COP1: variants seen among roughly 807,000 people sequenced by gnomAD.
COP1 encodes the protein E3 ubiquitin-protein ligase COP1.
In COP1, 24 loss-of-function variants were observed where a neutral mutation model predicts 101.3. The ratio of observed to expected loss-of-function variants is 0.24; its 90% CI spans 0.17 to 0.33. The LOEUF (loss-of-function observed/expected upper bound fraction) is 0.33. COP1 is among the 10% of genes least tolerant of loss of function. The probability of loss-of-function intolerance (pLI) is 1.00; values close to 1 mark genes in which losing one functional copy is unlikely to be tolerated. For synonymous variants in COP1, 347 were observed against 341.9 expected, an observed-to-expected ratio of 1.01 and a Z score of -0.17; for missense variants, 663 against 906.2, an observed-to-expected ratio of 0.73 and a Z score of 3.45.
chr1:176,028,942 C>T (rs1211270479), intron 14 of COP1, among the ~76,000 whole-genome samples: 1 of 151,024 alleles, frequency 6.6e-6, no homozygotes, highest in Non-Finnish European at 1.5e-5. Context: ...TTTGTAAAGA[C>T]AGGGTTTCAT....
Position 176,136,685 on chromosome 1 carries a change from G to A in COP1, c.832-138C>T, listed in dbSNP as rs985547761. On this transcript the variant is annotated intron_variant, in intron 6 of 19. Coordinates refer to ENST00000367669, the MANE Select transcript of COP1 (RefSeq NM_022457.7). Reference sequence around the variant, plus strand: ...CTTGGCACTAATGGCAAATTAACAGGAGGGATAACCATCAACAAAATATAG... The same window carrying A: ...CTTGGCACTAATGGCAAATTAACAGAAGGGATAACCATCAACAAAATATAG... The A allele has an allele frequency of 4.4e-4, 244 of 554,192 alleles. 1 individual carries two copies. The highest frequency in any genetic ancestry group is 6.9e-5 in the Non-Finnish European group (22 of 317,986). 34.3% of individuals were successfully genotyped at this position (554,192 alleles called of 1,614,324 possible).
At chr1:175,998,568 T>C (rs1275771895) in intron 15 of COP1, among the ~76,000 whole-genome samples, 8 of 152,090 alleles carry the variant, frequency 5.3e-5, no homozygotes, top group East Asian at 1.9e-4. Flanking sequence ...AATGGAAATA[T>C]ATTTAAAAAC....
chr1:176,167,387 A>C (rs1266617752), intron 3 of COP1, among the ~76,000 whole-genome samples: 1 of 151,596 alleles, frequency 6.6e-6, no homozygotes, highest in African/African-American at 2.4e-5. Flanking sequence ...CCTGACGCAT[A>C]GTAGGCGCCT....
At chr1:175,976,296 T>TTTTTTTTTTTTA (rs1553284850) in intron 18 of COP1, among the ~76,000 whole-genome samples, 5 of 137,306 alleles carry the variant, frequency 3.6e-5, no homozygotes, top group Non-Finnish European at 7.7e-5. Context: ...TTTTTTTTTT[T>TTTTTTTTTTTTA]AGACAGAGTC....
chr1:176,045,108 G>A (rs1449206011), intron 12 of COP1, among the ~76,000 whole-genome samples: 1 of 152,172 alleles, frequency 6.6e-6, no homozygotes, highest in Non-Finnish European at 1.5e-5. Flanking sequence ...TATAGCAGGT[G>A]TATAATCTTA....
At chr1:176,045,772 T>TA (rs554115691) in intron 12 of COP1, among the ~76,000 whole-genome samples, 6 of 151,724 alleles carry the variant, frequency 4.0e-5, no homozygotes, top group Non-Finnish European at 1.5e-5. Context: ...AATATTCTTG[T>TA]AAAAAAAATT....
chr1:176,075,580 T>C lies in COP1; in HGVS notation c.1277+5572A>G, dbSNP rs1362279207. Among the ~76,000 whole-genome samples, 7 of 152,202 alleles carry C rather than the reference T, an allele frequency of 4.6e-5. 1 individual carries two copies. Among genetic ancestry groups the C allele is most frequent in the Admixed American group, 3.9e-4 (6 of 15,284 alleles). On this transcript the variant is annotated intron_variant, in intron 11 of 19. Coordinates refer to ENST00000367669, the MANE Select transcript of COP1 (RefSeq NM_022457.7). ...CCCTGTGGTTTAACAATGTCCATTT[T>C]AAGAGATGCAGATAAGTTTCTGAGA...
intron 18 of COP1, among the ~76,000 whole-genome samples, chr1:175,974,885 T>G (rs2148636889): frequency 7.4e-6 from 1 of 134,766 alleles, no homozygotes; most frequent in Admixed American, 8.4e-5. Context: ...ATGGCTGCAC[T>G]GCACTACAGC....
chr1:176,062,869 C>A (rs893858307), intron 11 of COP1, among the ~76,000 whole-genome samples: 1 of 151,926 alleles, frequency 6.6e-6, no homozygotes, highest in Non-Finnish European at 1.5e-5. Context: ...CAAAAACAAG[C>A]TGGGCGAAAT....
intron 3 of COP1, among the ~76,000 whole-genome samples, chr1:176,167,947 T>C (rs1299323863): frequency 1.4e-5 from 2 of 147,914 alleles, no homozygotes; most frequent in African/African-American, 4.8e-5. Context: ...AGGACTTTTA[T>C]ATGCATCAGC....
chr1:176,178,761 G>T (rs1348211034), intron 2 of COP1, among the ~76,000 whole-genome samples: 2 of 152,078 alleles, frequency 1.3e-5, no homozygotes, highest in Non-Finnish European at 2.9e-5. Flanking sequence ...GCTGAGGCAG[G>T]AGAATCGCTT....
At chr1:176,062,101 C>A (rs142691375) in intron 11 of COP1, among the ~76,000 whole-genome samples, 1 of 152,212 alleles carries the variant, frequency 6.6e-6, no homozygotes, top group African/African-American at 2.4e-5. Flanking sequence ...TCCAGGTTCA[C>A]GTCATTCTCC....
At chr1:176,058,955 C>CT (rs1296938527) in intron 11 of COP1, among the ~76,000 whole-genome samples, 3 of 152,210 alleles carry the variant, frequency 2.0e-5, no homozygotes, top group African/African-American at 7.2e-5. Flanking sequence ...AAGTTTCACT[C>CT]TGTCAGCCAC....
chr1:176,049,395 T>C (rs1005721512), intron 11 of COP1, among the ~76,000 whole-genome samples: 1 of 152,108 alleles, frequency 6.6e-6, no homozygotes, highest in African/African-American at 2.4e-5. Flanking sequence ...TTATGTTTTG[T>C]TTTTAATATA....
At chr1:176,107,923 C>T (rs887890272) in intron 9 of COP1, among the ~76,000 whole-genome samples, 18 of 152,114 alleles carry the variant, frequency 1.2e-4, no homozygotes, top group African/African-American at 4.1e-4. Flanking sequence ...ATAACTTACA[C>T]TCTTCAAGAA....
At chr1:175,995,689 T>G (rs1659956224) in intron 15 of COP1, among the ~76,000 whole-genome samples, 1 of 152,144 alleles carries the variant, frequency 6.6e-6, no homozygotes, top group African/African-American at 2.4e-5. Context: ...CTCCCAAGAC[T>G]AAACCAGGAA....
At chr1:176,093,532 C>A (rs1681737046) in intron 9 of COP1, among the ~76,000 whole-genome samples, 2 of 152,080 alleles carry the variant, frequency 1.3e-5, no homozygotes, top group South Asian at 4.2e-4. Context: ...AACAGTGAAA[C>A]CCCTTCTCAA....
intron 6 of COP1, among the ~76,000 whole-genome samples, chr1:176,144,611 T>A (rs1206521169): frequency 6.6e-6 from 1 of 152,026 alleles, no homozygotes; most frequent in Non-Finnish European, 1.5e-5. Context: ...GCCAGGAATA[T>A]CCCAGACTTT....
At position 176,162,947 on chromosome 1, in the gene COP1, A is replaced by G; in HGVS notation, c.684T>C (p.Thr228=). 1 of 1,609,504 alleles carries G rather than the reference A, an allele frequency of 6.2e-7. No individual in the cohort carries two copies. The highest frequency in any genetic ancestry group is 1.3e-5 in the African/African-American group (1 of 74,972). ...TGGCCAAATCAAGGTTATCTTGGTCAGTTCCCAACCAATCTTGAAATATCT... is the reference window on the plus strand; with the variant it reads ...TGGCCAAATCAAGGTTATCTTGGTCGGTTCCCAACCAATCTTGAAATATCT... The part of the protein sequence containing the change: ...RWQIFQDWLG[T]DQDNLDLANV... The change falls in exon 5 of 20, where the codon ACT becomes ACC. Residue 228 remains threonine, a synonymous_variant. Transcript: ENST00000367669.
Sources: allele counts gnomAD v4.1 joint callset (sites outside exome capture counted in the v4.1 genomes callset), GRCh38; gene constraint gnomAD v4.1.1; transcripts MANE v1.5; gene names NCBI Gene and HGNC (gene_info 2026-07-23, HGNC 2026-07-21).